The following ZNF124 variants were observed in gnomAD, a reference collection of about 807,000 sequenced individuals.
ZNF124 encodes zinc finger protein 124.
ZNF124 carries 25 observed loss-of-function variants against 26.6 expected under a neutral mutation model. The ratio of observed to expected loss-of-function variants is 0.94; its 90% CI spans 0.68 to 1.31. The LOEUF is 1.31. ZNF124 is among the 40% of genes most tolerant of loss of function. The pLI, the probability that ZNF124 is intolerant of heterozygous loss-of-function variation, is 0.00. For missense variants in ZNF124, 444 were observed against 422.2 expected (o/e 1.05, Z -0.45); for synonymous variants, 129 against 133.3 (o/e 0.97, Z 0.22).
Position 247,157,051 on chromosome 1 carries a change from TG to T in ZNF124, c.570del (p.Ser191ValfsTer63). 3.7e-6 allele frequency: 6 copies of T among 1,614,204 alleles called. No individual in the cohort carries two copies. Among genetic ancestry groups the T allele is most frequent in the Non-Finnish European group, 4.2e-6 (5 of 1,180,032 alleles). ...GTTCTTTCATGGTCACGAAGGTGACTGGAACGACTGAAGGCTTTCCCACATT... is the reference window on the plus strand; with the variant it reads ...GTTCTTTCATGGTCACGAAGGTGACTGAACGACTGAAGGCTTTCCCACATT... ...CKQCGKAFSR[S>X]SHLRDHERTH... is the part of the protein sequence containing the mutation. On this transcript the variant is annotated frameshift_variant, in exon 4 of 4. Coordinates refer to ENST00000543802, the MANE Select transcript of ZNF124 (RefSeq NM_001297568.2). LOFTEE classifies it high-confidence loss of function.
chr1:247,163,627 A>G (rs1440685014), intron 1 of ZNF124, among the ~76,000 whole-genome samples: 1 of 152,192 alleles, frequency 6.6e-6, no homozygotes, highest in Non-Finnish European at 1.5e-5. Flanking sequence ...ATGAGCTCTG[A>G]AATTTAATCA....
Position 247,170,664 on chromosome 1 carries a change from C to T in ZNF124, c.30+1184G>A, listed in dbSNP as rs113227270. On this transcript the variant is annotated intron_variant, in intron 1 of 3. Coordinates refer to ENST00000543802, the MANE Select transcript of ZNF124 (RefSeq NM_001297568.2). ...GCTCCCCAAGTGAGCAATTCCTGTC[C>T]CTTTTAAGGGCTTACAACTCTAAGG... 6.2e-3 allele frequency among the ~76,000 whole-genome samples: 888 copies of T among 143,350 alleles called. 71 individuals are homozygous for T. Among genetic ancestry groups the T allele is most frequent in the South Asian group, 0.013 (54 of 4,182 alleles). 94.0% of individuals were successfully genotyped at this position (143,350 alleles called of 152,430 possible).
chr1:247,162,634 AGC>A (rs1367797886), intron 1 of ZNF124, among the ~76,000 whole-genome samples: 1 of 142,164 alleles, frequency 7.0e-6, no homozygotes, highest in Non-Finnish European at 1.5e-5. Context: ...AAAAAAAAAA[AGC>A]AGGGATTACT....
At chr1:247,163,799 CTGGCAGGCATACAACACA>C (rs1312272253) in intron 1 of ZNF124, among the ~76,000 whole-genome samples, 8 of 152,200 alleles carry the variant, frequency 5.3e-5, no homozygotes, top group South Asian at 4.1e-4. Flanking sequence ...CAGCGTCATC[CTGGCAGGCATACAACACA>C]TGGCAGGCAT....
chr1:247,132,805 C>A (rs1672400390), intron 3 of ZNF124, among the ~76,000 whole-genome samples: 1 of 152,132 alleles, frequency 6.6e-6, no homozygotes, highest in African/African-American at 2.4e-5. Context: ...GCATGCAGCC[C>A]CCAGTCACAT....
Position 247,140,405 on chromosome 1 carries a change from T to C in ZNF124, c.219-16534A>G, listed in dbSNP as rs376529117. Among the ~76,000 whole-genome samples the C allele has an allele frequency of 3.3e-5, 5 of 152,300 alleles. No individual in the cohort carries two copies. In the East Asian group the frequency reaches 7.7e-4, roughly 23 times the overall value. ...TGATTCTTAGTTTTTTTGGATTGGG[T>C]TTTGCATTTTCCTGAATCTTGATGA... On this transcript the variant is annotated intron_variant, in intron 3 of 3. Transcript: ENST00000472531.
chr1:247,146,922 G>C (rs1203764530), intron 3 of ZNF124, among the ~76,000 whole-genome samples: 2 of 152,158 alleles, frequency 1.3e-5, no homozygotes, highest in Non-Finnish European at 2.9e-5. Flanking sequence ...GAGGTTAGGA[G>C]GTGACTAGCG....
chr1:247,169,728 G>T (rs1673989605), intron 1 of ZNF124, among the ~76,000 whole-genome samples: 1 of 146,644 alleles, frequency 6.8e-6, no homozygotes. Context: ...CCAGAGGGCA[G>T]AAATTCTTTC....
chr1:247,158,132 C>T (rs1673258691), intron 3 of ZNF124, among the ~76,000 whole-genome samples: 1 of 152,128 alleles, frequency 6.6e-6, no homozygotes, highest in Non-Finnish European at 1.5e-5. Context: ...TTCCTGTAAT[C>T]CCAGCTACTT....
chr1:247,151,585 T>C (rs1025225760), downstream of ZNF124, among the ~76,000 whole-genome samples: 1 of 152,126 alleles, frequency 6.6e-6, no homozygotes, highest in Non-Finnish European at 1.5e-5. Flanking sequence ...TGGTACAATT[T>C]TGGAAAACTG....
chr1:247,155,303 A>T lies in ZNF124; in HGVS notation c.*1263T>A, dbSNP rs1245689836. On this transcript the variant is annotated 3_prime_UTR_variant, in exon 4 of 4. Coordinates refer to ENST00000543802, the MANE Select transcript of ZNF124 (RefSeq NM_001297568.2). ...TAATAACAAAATAATTAAACTACACAGAAGTTAAACCTACAAATACATTTC... is the reference window on the plus strand; with the variant it reads ...TAATAACAAAATAATTAAACTACACTGAAGTTAAACCTACAAATACATTTC... 6.6e-6 allele frequency among the ~76,000 whole-genome samples: 1 copy of T among 152,176 alleles called. No individual in the cohort carries two copies. Among genetic ancestry groups the T allele is most frequent in the Non-Finnish European group, 1.5e-5 (1 of 68,032 alleles).
intron 2 of ZNF124, 94 bp from the exon 3 acceptor site, chr1:247,159,160 C>A: frequency 2.5e-6 from 3 of 1,186,766 alleles, no homozygotes; most frequent in South Asian, 1.6e-5. Context: ...TGGTTTGTAC[C>A]CACCAAAATG....
At chr1:247,148,331 A>G (rs544518138) in intron 3 of ZNF124, among the ~76,000 whole-genome samples, 1 of 152,326 alleles carries the variant, frequency 6.6e-6, no homozygotes, top group African/African-American at 2.4e-5. Context: ...GAATCTTTCT[A>G]CTTTCCTCTT....
intron 3 of ZNF124, among the ~76,000 whole-genome samples, chr1:247,131,280 ACTG>A (rs1267173465): frequency 6.6e-6 from 1 of 152,032 alleles, no homozygotes; most frequent in Non-Finnish European, 1.5e-5. Flanking sequence ...AGCTGGGGAA[ACTG>A]CTATTTCCAT....
At chr1:247,137,912 C>G (rs1371619018) in intron 3 of ZNF124, among the ~76,000 whole-genome samples, 1 of 152,196 alleles carries the variant, frequency 6.6e-6, no homozygotes, top group Non-Finnish European at 1.5e-5. Flanking sequence ...GAGATACCAT[C>G]TCATGCCAGT....
chr1:247,155,826 AC>A lies in ZNF124; in HGVS notation c.*739del, dbSNP rs1673096198. The A allele has an allele frequency of 1.5e-6, 1 of 673,384 alleles. No individual in the cohort carries two copies. The highest frequency in any genetic ancestry group is 6.7e-5 in the South Asian group (1 of 14,866). The allele number at this position is 673,384 out of a possible 1,614,324, so 41.7% of individuals were successfully genotyped here. A position where few individuals can be genotyped will look rare whatever the true frequency, so the allele number is the denominator to read the frequency against. On this transcript the variant is annotated 3_prime_UTR_variant, in exon 4 of 4. Coordinates refer to ENST00000543802, the MANE Select transcript of ZNF124 (RefSeq NM_001297568.2). ...CAGTGAACTGAGATTGTGCCACTGC[AC>A]ACCAGCCTGGGCGACAAAGTGAGAC...
Position 247,167,637 on chromosome 1 carries a change from C to A in ZNF124, c.30+4211G>T, listed in dbSNP as rs537622050. On this transcript the variant is annotated intron_variant, in intron 1 of 3. Transcript: ENST00000543802. ...ATGAAAATAAAATATATCAAAAAAA[C>A]TCTTCTAAACATTGGCTTGGGCAAA... Among the ~76,000 whole-genome samples the A allele has an allele frequency of 2.7e-4, 41 of 152,254 alleles. 1 individual carries two copies. The highest frequency in any genetic ancestry group is 6.8e-3 in the Middle Eastern group (2 of 294).
At chr1:247,153,934 A>G (rs1411189525), downstream of ZNF124, among the ~76,000 whole-genome samples, 1 of 152,216 alleles carries the variant, frequency 6.6e-6, no homozygotes, top group East Asian at 1.9e-4. Context: ...ATCTGCACCT[A>G]AATCATGAGG....
intron 3 of ZNF124, among the ~76,000 whole-genome samples, chr1:247,132,093 C>G (rs1261260524): frequency 6.6e-6 from 1 of 152,188 alleles, no homozygotes; most frequent in Non-Finnish European, 1.5e-5. Flanking sequence ...CTTTGCTCTT[C>G]TCTAGCCTCC....
Sources: allele counts gnomAD v4.1 joint callset (sites outside exome capture counted in the v4.1 genomes callset), GRCh38; gene constraint gnomAD v4.1.1; transcripts MANE v1.5; gene names NCBI Gene and HGNC (gene_info 2026-07-23, HGNC 2026-07-21).